Variants in KCNAB1 observed in about 807,000 individuals in gnomAD.
KCNAB1 encodes the protein voltage-gated potassium channel subunit beta-1.
KCNAB1 carries 35 observed loss-of-function variants against 64.6 expected under a neutral mutation model. The observed-to-expected ratio is 0.54, with a 90% CI of 0.41 to 0.72. The LOEUF (loss-of-function observed/expected upper bound fraction) is 0.72, where lower values mean the gene tolerates loss of function less well. Ranked by LOEUF, KCNAB1 falls within the 30% of genes least tolerant of loss-of-function variation. The probability of loss-of-function intolerance (pLI) is 0.00; values close to 1 mark genes in which losing one functional copy is unlikely to be tolerated. For missense variants in KCNAB1, 401 were observed against 512.9 expected (o/e 0.78, Z 2.11); for synonymous variants, 177 against 183.8 (o/e 0.96, Z 0.30).
intron 12 of KCNAB1, among the ~76,000 whole-genome samples, chr3:156,529,464 T>G (rs58308618): frequency 0.3 from 44,139 of 148,890 alleles, 6,817 homozygotes; most frequent in African/African-American, 0.39. Context: ...ATTTTTGATG[T>G]ATAAATTTTA....
At position 156,431,704 on chromosome 3, in the gene KCNAB1, C is replaced by T. The variant is rs576291389; in HGVS notation, c.319+10045C>T. ...AGCCAACAGAAAACCCAGCTCAAAGCAAGCCAAGACGTCAGCTCTAGCAAA... is the reference window on the plus strand; with the variant it reads ...AGCCAACAGAAAACCCAGCTCAAAGTAAGCCAAGACGTCAGCTCTAGCAAA... On this transcript the variant is annotated intron_variant, in intron 2 of 13. Transcript: ENST00000490337. 7.2e-5 allele frequency among the ~76,000 whole-genome samples: 11 copies of T among 152,336 alleles called. No individual in the cohort carries two copies. In the East Asian group the frequency reaches 1.9e-3, roughly 27 times the overall value.
At chr3:156,284,342 G>A (rs1457121046) in intron 1 of KCNAB1, among the ~76,000 whole-genome samples, 18 of 151,992 alleles carry the variant, frequency 1.2e-4, no homozygotes, top group Admixed American at 5.2e-4. Context: ...CTCCAGCTGC[G>A]TGCTCGGAGA....
intron 1 of KCNAB1, among the ~76,000 whole-genome samples, chr3:156,223,300 G>A (rs1443314145): frequency 6.6e-6 from 1 of 152,188 alleles, no homozygotes; most frequent in Non-Finnish European, 1.5e-5. Context: ...GTGTGGAAGG[G>A]GACCCAAGCA....
intron 8 of KCNAB1, among the ~76,000 whole-genome samples, chr3:156,506,105 A>G (rs1167156446): frequency 6.6e-6 from 1 of 152,206 alleles, no homozygotes; most frequent in Non-Finnish European, 1.5e-5. Flanking sequence ...TATTGCTTTC[A>G]TGATTTATTT....
intron 1 of KCNAB1, among the ~76,000 whole-genome samples, chr3:156,247,874 CT>C (rs369699971): frequency 0.029 from 4,339 of 151,354 alleles, 86 homozygotes; most frequent in African/African-American, 0.042. Context: ...CTAGGACAGT[CT>C]TTTTTTTTGT....
intron 1 of KCNAB1, among the ~76,000 whole-genome samples, chr3:156,151,106 C>T (rs1224612995): frequency 6.6e-6 from 1 of 152,206 alleles, no homozygotes; most frequent in East Asian, 1.9e-4. Flanking sequence ...TAAGATGGAG[C>T]AGACTGGAAC....
At chr3:156,493,409 C>A (rs1296012886) in intron 8 of KCNAB1, among the ~76,000 whole-genome samples, 3 of 151,866 alleles carry the variant, frequency 2.0e-5, no homozygotes. Context: ...TTTGGAGTTT[C>A]TATTTGTTGT....
chr3:156,218,786 C>CAAAAAAAAAAAAAAAAAAA (rs1228783831), intron 1 of KCNAB1, among the ~76,000 whole-genome samples: 1 of 92,640 alleles, frequency 1.1e-5, no homozygotes, highest in Non-Finnish European at 2.1e-5. Flanking sequence ...CCCAGAACAG[C>CAAAAAAAAAAAAAAAAAAA]AAAAAAAAAA....
intron 1 of KCNAB1, among the ~76,000 whole-genome samples, chr3:156,284,710 G>C (rs893011113): frequency 2.6e-5 from 4 of 152,210 alleles, no homozygotes; most frequent in Non-Finnish European, 5.9e-5. Flanking sequence ...GCAGTATTCG[G>C]GTGGGAGTGA....
At chr3:156,353,759 G>A (rs555516278) in intron 1 of KCNAB1, among the ~76,000 whole-genome samples, 8 of 152,328 alleles carry the variant, frequency 5.3e-5, no homozygotes, top group South Asian at 2.1e-4. Context: ...CTGGCTTCCC[G>A]CAGGGTGAGC....
intron 1 of KCNAB1, among the ~76,000 whole-genome samples, chr3:156,390,360 C>G (rs1402036139): frequency 6.6e-6 from 1 of 152,134 alleles, no homozygotes; most frequent in African/African-American, 2.4e-5. Flanking sequence ...AAAAAAAACC[C>G]TACTTTTTTT....
At chr3:156,211,100 G>A (rs998989764) in intron 1 of KCNAB1, among the ~76,000 whole-genome samples, 34 of 152,190 alleles carry the variant, frequency 2.2e-4, no homozygotes, top group African/African-American at 7.9e-4. Context: ...ATGAGTGTGG[G>A]CAGTGAAAAA....
intron 1 of KCNAB1, among the ~76,000 whole-genome samples, chr3:156,131,057 C>T (rs900871801): frequency 6.6e-6 from 1 of 152,234 alleles, no homozygotes; most frequent in Non-Finnish European, 1.5e-5. Flanking sequence ...TTGGCCATCT[C>T]CTTCTCATCC....
intron 1 of KCNAB1, among the ~76,000 whole-genome samples, chr3:156,228,931 G>A (rs1280690672): frequency 3.3e-5 from 5 of 152,176 alleles, no homozygotes; most frequent in Admixed American, 1.3e-4. Context: ...GAACCCCAGC[G>A]GAGACTAGGG....
chr3:156,519,258 C>A (rs1717776316), intron 11 of KCNAB1, among the ~76,000 whole-genome samples: 1 of 152,192 alleles, frequency 6.6e-6, no homozygotes. Flanking sequence ...AATGATTTCC[C>A]AATCATTGCT....
Position 156,374,453 on chromosome 3 carries a change from G to T in KCNAB1, c.276-47163G>T, listed in dbSNP as rs557189918. On this transcript the variant is annotated intron_variant, in intron 1 of 13. Coordinates refer to ENST00000490337, the MANE Select transcript of KCNAB1 (RefSeq NM_172160.3). ...TTTATTTGCTTGGGAAGCTTGATTT[G>T]TTCATGGGAGTTTGCACATACAAAG... Among the ~76,000 whole-genome samples the T allele has an allele frequency of 2.6e-4, 23 of 86,902 alleles. 2 individuals are homozygous for T. The South Asian group carries it at 5.6e-3, about 21-fold the overall frequency. 57.0% of individuals were successfully genotyped at this position (86,902 alleles called of 152,430 possible). A position where few individuals can be genotyped will look rare whatever the true frequency, so the allele number is the denominator to read the frequency against.
At chr3:156,268,978 T>C (rs1490645877) in intron 1 of KCNAB1, among the ~76,000 whole-genome samples, 1 of 152,228 alleles carries the variant, frequency 6.6e-6, no homozygotes, top group Non-Finnish European at 1.5e-5. Context: ...CTTGTAGTAG[T>C]TTAATAGTTT....
At chr3:156,196,167 C>T (rs1713917830) in intron 1 of KCNAB1, among the ~76,000 whole-genome samples, 1 of 151,940 alleles carries the variant, frequency 6.6e-6, no homozygotes, top group Non-Finnish European at 1.5e-5. Context: ...GGTACCATTA[C>T]CATGCTGTTT....
At position 156,393,107 on chromosome 3, in the gene KCNAB1, A is replaced by T. The variant is rs973294303; in HGVS notation, c.276-28509A>T. On this transcript the variant is annotated intron_variant, in intron 1 of 13. Transcript: ENST00000490337. The stretch of plus-strand genomic sequence containing the variant: ...TGGAATTTTCCTGTGCTTCTGTCAG[A>T]GGTTTGGGAAGCAGCAGATCACATT... Among the ~76,000 whole-genome samples the T allele has an allele frequency of 2.6e-5, 4 of 152,092 alleles. No homozygotes were observed. In the East Asian group the frequency reaches 7.7e-4, roughly 29 times the overall value.
Sources: gnomAD v4.1 joint callset for allele counts (sites outside exome capture counted in the v4.1 genomes callset) on GRCh38, gnomAD v4.1.1 for gene constraint, MANE v1.5 for transcripts, NCBI Gene and HGNC (gene_info 2026-07-23, HGNC 2026-07-21) for gene names.